ACBD5: variants seen among roughly 807,000 people sequenced by gnomAD.
The protein encoded by ACBD5 is acyl-CoA binding domain containing 5.
A neutral mutation model predicts 71.8 loss-of-function variants in ACBD5; 40 were observed. That is an observed-to-expected ratio of 0.56 (90% CI 0.43 to 0.72). The LOEUF is 0.72. Ranked by LOEUF, ACBD5 falls within the 30% of genes least tolerant of loss-of-function variation. The probability of loss-of-function intolerance (pLI) is 0.00; values close to 1 mark genes in which losing one functional copy is unlikely to be tolerated. For missense variants in ACBD5, 559 were observed against 644.5 expected, an observed-to-expected ratio of 0.87 and a Z score of 1.44; for synonymous variants, 229 against 218.6, an observed-to-expected ratio of 1.05 and a Z score of -0.42.
Position 27,240,728 on chromosome 10 carries a change from G to A in ACBD5, c.-40C>T. 1.9e-6 allele frequency: 3 copies of A among 1,550,224 alleles called. No individual in the cohort carries two copies. The highest frequency in any genetic ancestry group is 2.6e-6 in the Non-Finnish European group (3 of 1,146,938). Reference sequence around the variant, plus strand: ...AGAGGGGGTCCGGGCATCGGTGGCCGCGGAGCCGCTCTCCCACCCTGGGGA... The same window carrying A: ...AGAGGGGGTCCGGGCATCGGTGGCCACGGAGCCGCTCTCCCACCCTGGGGA... On this transcript the variant is annotated 5_prime_UTR_variant, in exon 1 of 13. Coordinates refer to ENST00000396271, the MANE Select transcript of ACBD5 (RefSeq NM_145698.5). This position sits in a 1 kb window ranked among gnomAD's most constrained non-coding sequence, Gnocchi z 4.1.
chr10:27,215,795 G>C (rs1392677572), intron 7 of ACBD5, among the ~76,000 whole-genome samples, 154 bp from the exon 8 acceptor site: 1 of 151,500 alleles, frequency 6.6e-6, no homozygotes, highest in African/African-American at 2.4e-5. Flanking sequence ...TACCTCTCGG[G>C]TTCAAGTGAT....
At chr10:27,200,688 A>C (rs578164139) in intron 12 of ACBD5, among the ~76,000 whole-genome samples, 1 of 152,076 alleles carries the variant, frequency 6.6e-6, no homozygotes, top group East Asian at 1.9e-4. Context: ...CGAGCTCCTG[A>C]CCTCAGGTGA....
intron 2 of ACBD5, among the ~76,000 whole-genome samples, chr10:27,236,609 C>A (rs2064735506): frequency 6.6e-6 from 1 of 151,990 alleles, no homozygotes; most frequent in Admixed American, 6.6e-5. Context: ...GAGCTGTGGG[C>A]CGGGCACAGT....
At chr10:27,199,048 G>A (rs2059646733) in intron 12 of ACBD5, among the ~76,000 whole-genome samples, 1 of 151,808 alleles carries the variant, frequency 6.6e-6, no homozygotes, top group Non-Finnish European at 1.5e-5. Flanking sequence ...GGCGGAGGTT[G>A]CAGTGAGCTG....
In ACBD5 at chr10:27,230,322, AC is replaced by A. The variant is rs1219712964; in HGVS notation, c.375+1425del. ...GAAGAAATTTAAAAAGAAAAAAAAA[AC>A]AAGTCTAAATCTAGTAATAACAAAT... On this transcript the variant is annotated intron_variant, in intron 4 of 12. Coordinates refer to ENST00000396271, the MANE Select transcript of ACBD5 (RefSeq NM_145698.5). Among the ~76,000 whole-genome samples, 8 of 152,212 alleles carry A rather than the reference AC, an allele frequency of 5.3e-5. No individual in the cohort carries two copies. In the East Asian group the frequency reaches 1.2e-3, roughly 22 times the overall value.
intron 12 of ACBD5, among the ~76,000 whole-genome samples, chr10:27,202,057 C>A (rs544113587): frequency 6.6e-6 from 1 of 152,198 alleles, no homozygotes; most frequent in South Asian, 2.1e-4. Context: ...CCACACTTTC[C>A]CCATCCTAAT....
chr10:27,225,581 T>C (rs928679866), intron 4 of ACBD5, among the ~76,000 whole-genome samples: 2 of 152,216 alleles, frequency 1.3e-5, no homozygotes, highest in African/African-American at 4.8e-5. Context: ...AAATTTCTTT[T>C]TGCTAAAGGA....
intron 9 of ACBD5, among the ~76,000 whole-genome samples, chr10:27,209,176 T>C (rs2060797710): frequency 6.6e-6 from 1 of 152,052 alleles, no homozygotes; most frequent in Admixed American, 6.6e-5. Context: ...CCACCTGCCC[T>C]GGACTCCCAA....
At chr10:27,216,200 G>T (rs2061608975) in intron 7 of ACBD5, among the ~76,000 whole-genome samples, 1 of 151,794 alleles carries the variant, frequency 6.6e-6, no homozygotes, top group South Asian at 2.1e-4. Flanking sequence ...GAGTGCAGTG[G>T]TGTGATCTCG....
At chr10:27,209,425 C>T (rs1292896224) in intron 9 of ACBD5, among the ~76,000 whole-genome samples, 3 of 152,100 alleles carry the variant, frequency 2.0e-5, no homozygotes, top group Admixed American at 6.6e-5. Flanking sequence ...CAGGTTCGGC[C>T]GATTCTCCTA....
At chr10:27,194,850 G>C (rs549523815), downstream of ACBD5, among the ~76,000 whole-genome samples, 755 of 151,928 alleles carry the variant, frequency 5.0e-3, 4 homozygotes, top group Non-Finnish European at 8.5e-3. Context: ...ACAAAAATTA[G>C]CCGGGAGTGG....
chr10:27,198,149 T>C (rs1245443498), intron 12 of ACBD5, among the ~76,000 whole-genome samples: 1 of 152,214 alleles, frequency 6.6e-6, no homozygotes, highest in East Asian at 1.9e-4. Context: ...ACATGGATTA[T>C]GTTTCTATTA....
Position 27,240,563 on chromosome 10 carries a change from T to A in ACBD5, c.16-79A>T. ...GGAGCGAAGCGGGTCAGTTCCCCTT[T>A]GCCCTGCCCTATCCAGGCCACACAG... On this transcript the variant is annotated intron_variant, in intron 1 of 12. Transcript: ENST00000396271. The surrounding 1 kb of genome is among the most constrained non-coding windows in gnomAD (Gnocchi z 4.1). 1.3e-6 allele frequency: 2 copies of A among 1,550,250 alleles called. No individual in the cohort carries two copies. The highest frequency in any genetic ancestry group is 1.7e-6 in the Non-Finnish European group (2 of 1,146,046).
At chr10:27,227,521 A>G (rs1008982392) in intron 4 of ACBD5, among the ~76,000 whole-genome samples, 1 of 151,914 alleles carries the variant, frequency 6.6e-6, no homozygotes, top group African/African-American at 2.4e-5. Flanking sequence ...TATGCTGATC[A>G]CTAGAAGCCT....
upstream of ACBD5, chr10:27,242,085 C>A (rs896383720): frequency 2.2e-5 from 10 of 452,244 alleles, no homozygotes; most frequent in African/African-American, 4.0e-5. Context: ...AAGGCCTGTC[C>A]GGTAATGTCC....
chr10:27,206,441 A>T (rs1436756821), intron 10 of ACBD5, among the ~76,000 whole-genome samples: 1 of 151,952 alleles, frequency 6.6e-6, no homozygotes, highest in African/African-American at 2.4e-5. Flanking sequence ...ACATGGCAAA[A>T]CTCTGTTTCT....
At position 27,233,237 on chromosome 10, in the gene ACBD5, G is replaced by A. The variant is rs1037875285; in HGVS notation, c.303-1417C>T. Among the ~76,000 whole-genome samples the A allele has an allele frequency of 3.3e-5, 5 of 152,166 alleles. No individual in the cohort carries two copies. The East Asian group carries it at 9.7e-4, about 29-fold the overall frequency. The stretch of plus-strand genomic sequence containing the variant: ...AGGTCAGGAGTTCGAGACTAGCCTG[G>A]CCAACATGGTGAAATTCTGTCTTTA... On this transcript the variant is annotated intron_variant, in intron 3 of 12. Transcript: ENST00000396271.
rs147409067 is a variant in ACBD5, at chr10:27,224,463, T to C, written c.376-1011A>G. 2.0e-3 allele frequency among the ~76,000 whole-genome samples: 306 copies of C among 152,306 alleles called. 1 individual carries two copies. Among genetic ancestry groups the C allele is most frequent in the African/African-American group, 7.0e-3 (291 of 41,576 alleles). The stretch of plus-strand genomic sequence containing the variant: ...CTGAAGTTAGAGTAAAATTATGATG[T>C]CTGTTCTTTAACAATAAGGTAGCGT... On this transcript the variant is annotated intron_variant, in intron 4 of 12. Coordinates refer to ENST00000396271, the MANE Select transcript of ACBD5 (RefSeq NM_145698.5).
rs1475353952 is a variant in ACBD5, at chr10:27,196,255, G to C, written c.*1175C>G. The C allele has an allele frequency of 2.2e-6, 1 of 453,994 alleles. No individual in the cohort carries two copies. The highest frequency in any genetic ancestry group is 4.4e-6 in the Non-Finnish European group (1 of 226,776). 28.1% of individuals were successfully genotyped at this position (453,994 alleles called of 1,614,324 possible). On this transcript the variant is annotated 3_prime_UTR_variant, in exon 13 of 13. Transcript: ENST00000396271. ...CATCAAAGAAATCTTCAAAGCACAA[G>C]GTACATCTAAGTGAGCAGGAAGTTT...
Sources: gnomAD v4.1 joint callset for allele counts (sites outside exome capture counted in the v4.1 genomes callset) on GRCh38, gnomAD v4.1.1 for gene constraint, Gnocchi (gnomAD v3.1) non-coding constraint, MANE v1.5 for transcripts, NCBI Gene and HGNC (gene_info 2026-07-23, HGNC 2026-07-21) for gene names.